ARHGEF4: variants seen among roughly 807,000 people sequenced by gnomAD.
ARHGEF4 encodes APC-stimulated guanine nucleotide exchange factor 1.
ARHGEF4 carries 119 observed loss-of-function variants against 162.0 expected under a neutral mutation model. That is an observed-to-expected ratio of 0.73 (90% CI 0.63 to 0.86). ARHGEF4 has a LOEUF of 0.86. ARHGEF4 is among the 40% of genes least tolerant of loss of function. The pLI, the probability that ARHGEF4 is intolerant of heterozygous loss-of-function variation, is 0.00. For synonymous variants in ARHGEF4, 1,014 were observed against 979.9 expected, an observed-to-expected ratio of 1.03 and a Z score of -0.65; for missense variants, 2,488 against 2,456.0, an observed-to-expected ratio of 1.01 and a Z score of -0.28.
At chr2:131,023,618 G>A (rs1689288347) in intron 4 of ARHGEF4, among the ~76,000 whole-genome samples, 1 of 152,180 alleles carries the variant, frequency 6.6e-6, no homozygotes, top group Admixed American at 6.5e-5. Context: ...AAATGCTGCT[G>A]AAGATTCAGA....
At position 130,865,646 on chromosome 2, in the gene ARHGEF4, C is replaced by T. The variant is rs149469534; in HGVS notation, c.39+28654C>T. 3.4e-3 allele frequency among the ~76,000 whole-genome samples: 519 copies of T among 152,320 alleles called. 3 individuals are homozygous for T. Among genetic ancestry groups the T allele is most frequent in the African/African-American group, 0.012 (480 of 41,564 alleles). Reference sequence around the variant, plus strand: ...ACTGCTGATCTTTCTCTTTTCTGATCCTCGCGGAAAAAGTCTAGTTTCCTT... The same window carrying T: ...ACTGCTGATCTTTCTCTTTTCTGATTCTCGCGGAAAAAGTCTAGTTTCCTT... On this transcript the variant is annotated intron_variant, in intron 1 of 13. Coordinates refer to ENST00000409359, the MANE Select transcript of ARHGEF4 (RefSeq NM_001367493.1).
At chr2:130,943,552 T>G (rs1413654177) in intron 3 of ARHGEF4, among the ~76,000 whole-genome samples, 6 of 152,180 alleles carry the variant, frequency 3.9e-5, no homozygotes, top group Admixed American at 3.3e-4. Context: ...TATTTTTTAG[T>G]TCTCCATTTT....
chr2:131,027,501 A>G (rs187427922), intron 4 of ARHGEF4, among the ~76,000 whole-genome samples: 1 of 152,318 alleles, frequency 6.6e-6, no homozygotes, highest in Non-Finnish European at 1.5e-5. Flanking sequence ...AGGACTGTTC[A>G]TTGTATTAAA....
chr2:130,962,603 G>C (rs1281295511), intron 4 of ARHGEF4, among the ~76,000 whole-genome samples: 1 of 152,110 alleles, frequency 6.6e-6, no homozygotes, highest in African/African-American at 2.4e-5. Context: ...ATAGCTTCCG[G>C]ATGGAGATGG....
intron 3 of ARHGEF4, among the ~76,000 whole-genome samples, chr2:130,937,613 G>A (rs994595745): frequency 3.7e-4 from 55 of 149,162 alleles, no homozygotes; most frequent in Non-Finnish European, 1.6e-4. Context: ...GATGGTTCTT[G>A]TTCATTTCTT....
intron 5 of ARHGEF4, chr2:131,035,423 G>A: frequency 1.5e-6 from 1 of 652,694 alleles, no homozygotes; most frequent in Non-Finnish European, 2.1e-6. Context: ...GCGGGTGCCT[G>A]AGGGGCGTGG....
intron 1 of ARHGEF4, among the ~76,000 whole-genome samples, chr2:130,907,382 TA>T (rs1680890134): frequency 6.6e-6 from 1 of 151,502 alleles, no homozygotes; most frequent in African/African-American, 2.4e-5. Context: ...GCTCAACTAA[TA>T]TTTTTTTGTA....
At position 131,041,661 on chromosome 2, in the gene ARHGEF4, A is replaced by G. The variant is rs974342878; in HGVS notation, c.4896-154A>G. 11 of 1,217,528 alleles carry G rather than the reference A, an allele frequency of 9.0e-6. No homozygotes were observed. The African/African-American group carries it at 1.4e-4, about 15-fold the overall frequency. 75.4% of individuals were successfully genotyped at this position (1,217,528 alleles called of 1,614,324 possible). ...AAGCTCTGCTCTGTGCTTGCCATTT[A>G]TGGAGAAGAGAGGGGCTGTGCATCT... On this transcript the variant is annotated intron_variant, in intron 9 of 13. Transcript: ENST00000409359.
intron 1 of ARHGEF4, among the ~76,000 whole-genome samples, chr2:130,880,582 T>C (rs1274196972): frequency 2.0e-5 from 3 of 152,232 alleles, no homozygotes; most frequent in Non-Finnish European, 4.4e-5. Flanking sequence ...TCACAGAGGC[T>C]GCAGTGCAGT....
At chr2:130,926,019 T>TCTTC (rs1296227552) in intron 2 of ARHGEF4, among the ~76,000 whole-genome samples, 2,996 of 98,590 alleles carry the variant, frequency 0.03, 101 homozygotes, top group African/African-American at 0.17. Context: ...TTTCTCTCTT[T>TCTTC]CTTTCTTTCT....
chr2:131,031,353 A>G (rs1260424366), intron 5 of ARHGEF4, among the ~76,000 whole-genome samples: 1 of 152,226 alleles, frequency 6.6e-6, no homozygotes, highest in African/African-American at 2.4e-5. Flanking sequence ...CATTCCAGGT[A>G]CATGAGGAGT....
intron 4 of ARHGEF4, among the ~76,000 whole-genome samples, chr2:130,982,666 C>T (rs1348069611): frequency 6.8e-6 from 1 of 146,286 alleles, no homozygotes; most frequent in Non-Finnish European, 1.5e-5. Flanking sequence ...ATTTACCATA[C>T]AAGATTCTTT....
At chr2:130,865,930 G>A (rs1168939786) in intron 1 of ARHGEF4, among the ~76,000 whole-genome samples, 2 of 152,152 alleles carry the variant, frequency 1.3e-5, no homozygotes, top group Non-Finnish European at 2.9e-5. Context: ...ATTCTCCTGA[G>A]GGATGCATGT....
chr2:130,845,366 C>T (rs909721347), intron 1 of ARHGEF4, among the ~76,000 whole-genome samples: 11 of 151,796 alleles, frequency 7.2e-5, no homozygotes, highest in Admixed American at 1.3e-4. Flanking sequence ...AAAAAATTAA[C>T]GTGGCATGGT....
intron 2 of ARHGEF4, among the ~76,000 whole-genome samples, chr2:130,923,807 G>A (rs1203716475): frequency 6.6e-6 from 1 of 152,136 alleles, no homozygotes; most frequent in African/African-American, 2.4e-5. Context: ...TTAGTAATGT[G>A]GAGGAATCCC....
intron 4 of ARHGEF4, among the ~76,000 whole-genome samples, chr2:130,965,874 G>T (rs968509148): frequency 6.6e-6 from 1 of 152,186 alleles, no homozygotes; most frequent in African/African-American, 2.4e-5. Flanking sequence ...GAGAGAGAGA[G>T]TTGGGAGCAG....
At chr2:130,878,048 A>G (rs1397013978) in intron 1 of ARHGEF4, among the ~76,000 whole-genome samples, 2 of 152,204 alleles carry the variant, frequency 1.3e-5, no homozygotes, top group Non-Finnish European at 2.9e-5. Context: ...CCTCTCAGGA[A>G]GTTAAATGGA....
intron 1 of ARHGEF4, among the ~76,000 whole-genome samples, chr2:130,895,180 T>G (rs1374245266): frequency 6.6e-6 from 1 of 152,218 alleles, no homozygotes; most frequent in Non-Finnish European, 1.5e-5. Context: ...AATAAGATCG[T>G]GCAGTGTGTG....
chr2:130,905,127 GT>G (rs1477627379), intron 1 of ARHGEF4, among the ~76,000 whole-genome samples: 2 of 151,998 alleles, frequency 1.3e-5, no homozygotes, highest in East Asian at 3.9e-4. Context: ...TTATTTCAAT[GT>G]TTTTTAATAT....
Sources: allele counts gnomAD v4.1 joint callset (sites outside exome capture counted in the v4.1 genomes callset), GRCh38; gene constraint gnomAD v4.1.1; transcripts MANE v1.5; gene names NCBI Gene and HGNC (gene_info 2026-07-23, HGNC 2026-07-21).